The following BRIP1 variants were observed in gnomAD, a reference collection of about 807,000 sequenced individuals.
The protein encoded by BRIP1 is BRCA1 interacting DNA helicase 1.
A neutral mutation model predicts 119.7 loss-of-function variants in BRIP1; 88 were observed. The observed-to-expected ratio is 0.74, with a 90% CI of 0.62 to 0.88. The LOEUF (loss-of-function observed/expected upper bound fraction) is 0.88, where lower values mean the gene tolerates loss of function less well. Ranked by LOEUF, BRIP1 falls within the 40% of genes least tolerant of loss-of-function variation. The pLI is 0.00. For synonymous variants in BRIP1, 443 were observed against 496.5 expected (o/e 0.89, Z 1.43); for missense variants, 1,259 against 1,455.4 (o/e 0.87, Z 2.20).
At chr17:61,784,202 A>G (rs1283717803) in intron 11 of BRIP1, 68 bp downstream of exon 11, 1 of 1,432,120 alleles carries the variant, frequency 7.0e-7, no homozygotes, top group Non-Finnish European at 9.8e-7. Flanking sequence ...GGTATGTATT[A>G]AACACATGCT....
chr17:61,712,885 A>G (rs1245921020), intron 17 of BRIP1, among the ~76,000 whole-genome samples: 10 of 143,598 alleles, frequency 7.0e-5, no homozygotes, highest in Non-Finnish European at 1.5e-4. Flanking sequence ...GCCTGGCTAC[A>G]GAGCGAGACT....
chr17:61,820,842 C>T (rs531818414), intron 6 of BRIP1, among the ~76,000 whole-genome samples: 88 of 151,668 alleles, frequency 5.8e-4, no homozygotes, highest in East Asian at 2.1e-3. Context: ...CCCAACTACT[C>T]GGGAGGCTGG....
chr17:61,751,381 A>G lies in BRIP1; in HGVS notation c.2098-6790T>C, dbSNP rs944043626. On this transcript the variant is annotated intron_variant, in intron 14 of 19. Transcript: ENST00000259008. This position sits in a 1 kb window ranked among gnomAD's most constrained non-coding sequence, Gnocchi z 6.7. ...ATCAGTACAGTTTCTGACTGGGATG[A>G]TTGAAAAGTTTTGGAAAGGGATACT... Among the ~76,000 whole-genome samples the G allele has an allele frequency of 6.6e-6, 1 of 152,204 alleles. No homozygotes were observed. Among genetic ancestry groups the G allele is most frequent in the African/African-American group, 2.4e-5 (1 of 41,456 alleles).
Position 61,722,828 on chromosome 17 carries a change from TA to T in BRIP1, c.2380-6766del, listed in dbSNP as rs1292506877. Among the ~76,000 whole-genome samples, 2 of 152,222 alleles carry T rather than the reference TA, an allele frequency of 1.3e-5. No individual in the cohort carries two copies. The highest frequency in any genetic ancestry group is 4.8e-5 in the African/African-American group (2 of 41,472). ...TCTGTATGGCTACATTGTTTTAATTTATTGCAAATTTTCAAACACCTTTTAC... is the reference window on the plus strand; with the variant it reads ...TCTGTATGGCTACATTGTTTTAATTTTTGCAAATTTTCAAACACCTTTTAC... On this transcript the variant is annotated intron_variant, in intron 16 of 19. Coordinates refer to ENST00000259008, the MANE Select transcript of BRIP1 (RefSeq NM_032043.3). This position sits in a 1 kb window ranked among gnomAD's most constrained non-coding sequence, Gnocchi z 4.6.
rs1391391424 is a variant in BRIP1 at position 61,857,659 on chromosome 17, G to A, written c.206-428C>T. Among the ~76,000 whole-genome samples the A allele has an allele frequency of 6.6e-6, 1 of 152,154 alleles. No individual in the cohort carries two copies. Among genetic ancestry groups the A allele is most frequent in the African/African-American group, 2.4e-5 (1 of 41,432 alleles). On this transcript the variant is annotated intron_variant, in intron 3 of 19. Coordinates refer to ENST00000259008, the MANE Select transcript of BRIP1 (RefSeq NM_032043.3). The surrounding 1 kb of genome is among the most constrained non-coding windows in gnomAD (Gnocchi z 5.1). ...GAATCGCTTGAACCTGGGAGGCAGAGGTAGCAATGAGCAGAGGTCATGCCA... is the reference window on the plus strand; with the variant it reads ...GAATCGCTTGAACCTGGGAGGCAGAAGTAGCAATGAGCAGAGGTCATGCCA...
rs983695477 is a variant in BRIP1 at position 61,755,870 on chromosome 17, G to C, written c.2098-11279C>G. Among the ~76,000 whole-genome samples the C allele has an allele frequency of 6.6e-6, 1 of 152,244 alleles. No individual in the cohort carries two copies. The highest frequency in any genetic ancestry group is 1.5e-5 in the Non-Finnish European group (1 of 68,048). ...GTCACAATTTGGAAGGTCTGACGAA[G>C]TGGTATGTCCTCTGGGTCTATCCGG... On this transcript the variant is annotated intron_variant, in intron 14 of 19. Transcript: ENST00000259008. The surrounding 1 kb of genome is among the most constrained non-coding windows in gnomAD (Gnocchi z 4.5).
At chr17:61,763,596 G>T (rs2077309081) in intron 14 of BRIP1, among the ~76,000 whole-genome samples, 1 of 151,968 alleles carries the variant, frequency 6.6e-6, no homozygotes, top group South Asian at 2.1e-4. Flanking sequence ...AACAACCAAC[G>T]CACTGATATG....
intron 9 of BRIP1, among the ~76,000 whole-genome samples, chr17:61,797,471 G>T (rs2077918659): frequency 6.6e-6 from 1 of 151,898 alleles, no homozygotes; most frequent in South Asian, 2.1e-4. Flanking sequence ...TAGTGATCTT[G>T]ATCAAAACAA....
In BRIP1 at chr17:61,823,109, G is replaced by A. The variant is rs1271712322; in HGVS notation, c.628-14352C>T. ...ATTCATACATGTTTCCAATGCTGTT[G>A]TCAATATCAATTATCTTCTGAATGA... On this transcript the variant is annotated intron_variant, in intron 6 of 19. Coordinates refer to ENST00000259008, the MANE Select transcript of BRIP1 (RefSeq NM_032043.3). The surrounding 1 kb of genome is among the most constrained non-coding windows in gnomAD (Gnocchi z 4.8). Among the ~76,000 whole-genome samples, 1 of 152,170 alleles carries A rather than the reference G, an allele frequency of 6.6e-6. No individual in the cohort carries two copies. Among genetic ancestry groups the A allele is most frequent in the East Asian group, 1.9e-4 (1 of 5,198 alleles).
At position 61,798,494 on chromosome 17, in the gene BRIP1, CTG is replaced by C. The variant is rs541370350; in HGVS notation, c.1340+604_1340+605del. Among the ~76,000 whole-genome samples the C allele has an allele frequency of 1.3e-5, 2 of 151,880 alleles. No individual in the cohort carries two copies. Among genetic ancestry groups the C allele is most frequent in the Non-Finnish European group, 1.5e-5 (1 of 67,892 alleles). ...TACATTTTGTCTTCAAACCATGTGA[CTG>C]TGTAACATTCAAATTTTTTTAAAGT... On this transcript the variant is annotated intron_variant, in intron 9 of 19. Transcript: ENST00000259008. The surrounding 1 kb of genome is among the most constrained non-coding windows in gnomAD (Gnocchi z 5.5).
chr17:61,798,215 T>A lies in BRIP1; in HGVS notation c.1340+885A>T, dbSNP rs1017023036. ...GAATTCTAGATATCTATTTTTTTTT[T>A]AAACTGAGAAAGCTTTCTAGGTCTT... On this transcript the variant is annotated intron_variant, in intron 9 of 19. Coordinates refer to ENST00000259008, the MANE Select transcript of BRIP1 (RefSeq NM_032043.3). The surrounding 1 kb of genome is among the most constrained non-coding windows in gnomAD (Gnocchi z 5.5). 6.6e-6 allele frequency among the ~76,000 whole-genome samples: 1 copy of A among 151,906 alleles called. No individual in the cohort carries two copies. The highest frequency in any genetic ancestry group is 1.5e-5 in the Non-Finnish European group (1 of 67,876).
In BRIP1 at chr17:61,679,450, T is replaced by C. The variant is rs2061249386; in HGVS notation, c.*3846A>G. On this transcript the variant is annotated 3_prime_UTR_variant, in exon 20 of 20. Coordinates refer to ENST00000259008, the MANE Select transcript of BRIP1 (RefSeq NM_032043.3). The surrounding 1 kb of genome is among the most constrained non-coding windows in gnomAD (Gnocchi z 4.4). ...TGTCTCTAACTGGTAGTTTTCCTGG[T>C]TTGCAGCCTGTGTGCTCTATATACT... Among the ~76,000 whole-genome samples the C allele has an allele frequency of 6.6e-6, 1 of 152,222 alleles. No individual in the cohort carries two copies. Among genetic ancestry groups the C allele is most frequent in the South Asian group, 2.1e-4 (1 of 4,834 alleles).
chr17:61,847,456 T>A (rs536339779), intron 5 of BRIP1, among the ~76,000 whole-genome samples: 1 of 152,316 alleles, frequency 6.6e-6, no homozygotes, highest in South Asian at 2.1e-4. Context: ...CTTTAATTAG[T>A]GATGTATCAA....
In BRIP1 at chr17:61,846,314, A is replaced by C. The variant is rs2078731543; in HGVS notation, c.627+787T>G. Reference sequence around the variant, plus strand: ...ATACCTTGATTTCTGCTAAGGCACCAACAGTTTTACCCATTCTTGCTTTTG... The same window carrying C: ...ATACCTTGATTTCTGCTAAGGCACCCACAGTTTTACCCATTCTTGCTTTTG... On this transcript the variant is annotated intron_variant, in intron 6 of 19. Coordinates refer to ENST00000259008, the MANE Select transcript of BRIP1 (RefSeq NM_032043.3). This position sits in a 1 kb window ranked among gnomAD's most constrained non-coding sequence, Gnocchi z 4.3. 6.6e-6 allele frequency among the ~76,000 whole-genome samples: 1 copy of C among 151,982 alleles called. No individual in the cohort carries two copies. The highest frequency in any genetic ancestry group is 2.1e-4 in the South Asian group (1 of 4,810).
At position 61,805,760 on chromosome 17, in the gene BRIP1, A is replaced by C. The variant is rs1329922957; in HGVS notation, c.918+2707T>G. On this transcript the variant is annotated intron_variant, in intron 7 of 19. Coordinates refer to ENST00000259008, the MANE Select transcript of BRIP1 (RefSeq NM_032043.3). This position sits in a 1 kb window ranked among gnomAD's most constrained non-coding sequence, Gnocchi z 5.6. Reference sequence around the variant, plus strand: ...TCTCAGTTTGATACAGACTGAGTTTAATAATAGGACATTCACCATTTCTTC... The same window carrying C: ...TCTCAGTTTGATACAGACTGAGTTTCATAATAGGACATTCACCATTTCTTC... Among the ~76,000 whole-genome samples, 1 of 152,186 alleles carries C rather than the reference A, an allele frequency of 6.6e-6. No individual in the cohort carries two copies. The highest frequency in any genetic ancestry group is 1.5e-5 in the Non-Finnish European group (1 of 68,028).
intron 4 of BRIP1, among the ~76,000 whole-genome samples, chr17:61,850,024 C>T: frequency 6.6e-6 from 1 of 151,970 alleles, no homozygotes; most frequent in East Asian, 1.9e-4. Flanking sequence ...CTTAAAGGTA[C>T]CCTCCTTCCT....
In BRIP1 at chr17:61,861,311, T is replaced by A. The variant is rs1321003930; in HGVS notation, c.93+136A>T. 1 of 702,500 alleles carries A rather than the reference T, an allele frequency of 1.4e-6. No individual in the cohort carries two copies. The highest frequency in any genetic ancestry group is 1.8e-5 in the African/African-American group (1 of 56,900). The allele number at this position is 702,500 out of a possible 1,614,324, so 43.5% of individuals were successfully genotyped here. On this transcript the variant is annotated intron_variant, in intron 2 of 19. Coordinates refer to ENST00000259008, the MANE Select transcript of BRIP1 (RefSeq NM_032043.3). This position sits in a 1 kb window ranked among gnomAD's most constrained non-coding sequence, Gnocchi z 4.5. ...GCTGCAATCAGTAGTTTCCCAGAGG[T>A]TAGATATTCTTCCAAGTGAACCCAG...
rs1303118043 is a variant in BRIP1 at position 61,821,014 on chromosome 17, A to G, written c.628-12257T>C. ...CAGAGTGGGAGGGGGCTTGAGCAAG[A>G]GGCTCAAGAGCACTGGTTACAAAAT... On this transcript the variant is annotated intron_variant, in intron 6 of 19. Coordinates refer to ENST00000259008, the MANE Select transcript of BRIP1 (RefSeq NM_032043.3). 2.0e-5 allele frequency among the ~76,000 whole-genome samples: 3 copies of G among 151,958 alleles called. 1 individual carries two copies. Among genetic ancestry groups the G allele is most frequent in the Admixed American group, 1.3e-4 (2 of 15,258 alleles).
Position 61,762,104 on chromosome 17 carries a change from A to C in BRIP1, c.2097+14297T>G, listed in dbSNP as rs949890195. Among the ~76,000 whole-genome samples, 1 of 152,090 alleles carries C rather than the reference A, an allele frequency of 6.6e-6. No individual in the cohort carries two copies. The highest frequency in any genetic ancestry group is 6.6e-5 in the Admixed American group (1 of 15,240). On this transcript the variant is annotated intron_variant, in intron 14 of 19. Coordinates refer to ENST00000259008, the MANE Select transcript of BRIP1 (RefSeq NM_032043.3). The surrounding 1 kb of genome is among the most constrained non-coding windows in gnomAD (Gnocchi z 4.3). ...AAAGAGCACAGAAAGAAACCCATGTATGTGCTCAACTGATTTTCAACAAAG... is the reference window on the plus strand; with the variant it reads ...AAAGAGCACAGAAAGAAACCCATGTCTGTGCTCAACTGATTTTCAACAAAG...
Sources: gnomAD v4.1 joint callset for allele counts (sites outside exome capture counted in the v4.1 genomes callset) on GRCh38, gnomAD v4.1.1 for gene constraint, Gnocchi (gnomAD v3.1) non-coding constraint, MANE v1.5 for transcripts, NCBI Gene and HGNC (gene_info 2026-07-23, HGNC 2026-07-21) for gene names.